Variants in PDE4B observed in about 807,000 individuals in gnomAD.
PDE4B encodes 3',5'-cyclic-AMP phosphodiesterase 4B.
A neutral mutation model predicts 82.2 loss-of-function variants in PDE4B; 20 were observed. The observed-to-expected ratio is 0.24, with a 90% CI of 0.17 to 0.35. PDE4B has a LOEUF of 0.35. PDE4B is among the 10% of genes least tolerant of loss of function. The pLI, the probability that PDE4B is intolerant of heterozygous loss-of-function variation, is 1.00. For missense variants in PDE4B, 655 were observed against 907.2 expected, an observed-to-expected ratio of 0.72 and a Z score of 3.57; for synonymous variants, 320 against 318.9, an observed-to-expected ratio of 1.00 and a Z score of -0.04.
chr1:65,921,511 A>G (rs1048905340), intron 3 of PDE4B, among the ~76,000 whole-genome samples: 1 of 152,156 alleles, frequency 6.6e-6, no homozygotes, highest in Non-Finnish European at 1.5e-5. Context: ...AAGAATATGG[A>G]ATCAATTTCC....
chr1:65,864,468 GC>G (rs1374658597), intron 1 of PDE4B, among the ~76,000 whole-genome samples: 1 of 152,090 alleles, frequency 6.6e-6, no homozygotes, highest in Admixed American at 6.5e-5. Flanking sequence ...CAGCATTTTT[GC>G]CCTGGTTTTT....
At chr1:66,174,755 G>GCAGCAACAA (rs1646900755) in intron 3 of PDE4B, among the ~76,000 whole-genome samples, 1 of 149,084 alleles carries the variant, frequency 6.7e-6, no homozygotes, top group Admixed American at 6.7e-5. Context: ...CTCAAAAAAA[G>GCAGCAACAA]CAACAACAAC....
chr1:65,865,273 G>A (rs993382202), intron 1 of PDE4B, among the ~76,000 whole-genome samples: 10 of 152,282 alleles, frequency 6.6e-5, no homozygotes, highest in South Asian at 6.2e-4. Flanking sequence ...GTGCTGTGCC[G>A]TTAGTGAGAA....
intron 3 of PDE4B, among the ~76,000 whole-genome samples, chr1:66,225,472 T>C (rs983611739): frequency 6.6e-6 from 1 of 152,242 alleles, no homozygotes; most frequent in African/African-American, 2.4e-5. Context: ...TTGAGAGATA[T>C]GAGCTCCTTG....
At chr1:66,021,873 A>T (rs1030482983) in intron 3 of PDE4B, among the ~76,000 whole-genome samples, 1 of 152,114 alleles carries the variant, frequency 6.6e-6, no homozygotes. Context: ...CTTGATGGGG[A>T]TGGCATTGAA....
At chr1:66,356,904 C>G (rs1662293802) in intron 9 of PDE4B, among the ~76,000 whole-genome samples, 1 of 152,226 alleles carries the variant, frequency 6.6e-6, no homozygotes, top group Non-Finnish European at 1.5e-5. Flanking sequence ...TTCATCCATC[C>G]TAGCTCCCAG....
chr1:65,952,245 C>A (rs1649035263), intron 3 of PDE4B, among the ~76,000 whole-genome samples: 1 of 152,014 alleles, frequency 6.6e-6, no homozygotes, highest in Admixed American at 6.6e-5. Context: ...TGATACCACC[C>A]CATTAGCTTC....
At chr1:66,275,948 T>G (rs533864435) in intron 7 of PDE4B, among the ~76,000 whole-genome samples, 14 of 152,338 alleles carry the variant, frequency 9.2e-5, no homozygotes, top group African/African-American at 2.4e-4. Flanking sequence ...TGTCTGGCTG[T>G]GTCCACAGAG....
intron 3 of PDE4B, among the ~76,000 whole-genome samples, chr1:66,028,975 A>T (rs1557509435): frequency 6.6e-6 from 1 of 152,172 alleles, no homozygotes; most frequent in African/African-American, 2.4e-5. Context: ...CCCAGTTCCA[A>T]AGTCACTTCC....
intron 3 of PDE4B, among the ~76,000 whole-genome samples, chr1:65,951,963 CCTGTGGGTTTCA>C (rs1553124541): frequency 1.3e-5 from 2 of 152,048 alleles, no homozygotes; most frequent in Non-Finnish European, 2.9e-5. Context: ...ATGGCTGAAA[CCTGTGGGTTTCA>C]CTCGTGTCTA....
chr1:66,314,612 C>T (rs1255858558), intron 7 of PDE4B, among the ~76,000 whole-genome samples: 1 of 152,094 alleles, frequency 6.6e-6, no homozygotes, highest in Non-Finnish European at 1.5e-5. Flanking sequence ...GGGGTTTCAC[C>T]ATATTAGCCA....
At chr1:66,147,775 T>TAGAGTGAG (rs1307096302) in intron 3 of PDE4B, among the ~76,000 whole-genome samples, 1 of 152,184 alleles carries the variant, frequency 6.6e-6, no homozygotes, top group Non-Finnish European at 1.5e-5. Flanking sequence ...GAAGAGAAAC[T>TAGAGTGAG]AGAGTGAGAA....
chr1:66,257,908 G>A (rs1220970683), intron 6 of PDE4B, 45 bp downstream of exon 6: 4 of 1,302,028 alleles, frequency 3.1e-6, no homozygotes, highest in Admixed American at 1.8e-5. Context: ...TAACATAAAG[G>A]CAAAAAATAT....
At chr1:66,161,891 C>T (rs1372007048) in intron 3 of PDE4B, among the ~76,000 whole-genome samples, 6 of 152,158 alleles carry the variant, frequency 3.9e-5, no homozygotes, top group Non-Finnish European at 5.9e-5. Flanking sequence ...CACCTACCAG[C>T]TTTGTGACTT....
At chr1:66,135,199 T>C (rs938000419) in intron 3 of PDE4B, among the ~76,000 whole-genome samples, 6 of 152,170 alleles carry the variant, frequency 3.9e-5, no homozygotes, top group African/African-American at 1.4e-4. Context: ...TTGGAAGCAA[T>C]ATGTAGCTTG....
chr1:66,045,453 ATC>A (rs1366346546), intron 3 of PDE4B, among the ~76,000 whole-genome samples: 1 of 151,694 alleles, frequency 6.6e-6, no homozygotes, highest in Non-Finnish European at 1.5e-5. Flanking sequence ...TTCCTCAAAT[ATC>A]TCTTTCTAGC....
chr1:66,117,405 T>G (rs1645617361), intron 3 of PDE4B, among the ~76,000 whole-genome samples: 1 of 152,080 alleles, frequency 6.6e-6, no homozygotes, highest in Admixed American at 6.6e-5. Flanking sequence ...AAAGTGTCAT[T>G]AAAAGAATTG....
intron 3 of PDE4B, chr1:66,094,502 C>T (rs1645079762): frequency 6.6e-6 from 1 of 151,944 alleles, no homozygotes; most frequent in Non-Finnish European, 1.5e-5. Flanking sequence ...ATGACTGCGC[C>T]TCAGATAAAC....
intron 3 of PDE4B, among the ~76,000 whole-genome samples, chr1:65,981,847 C>T (rs1012843207): frequency 6.6e-6 from 1 of 152,082 alleles, no homozygotes; most frequent in Admixed American, 6.6e-5. Flanking sequence ...GCCTTCCCCC[C>T]AAGAAAGGGC....
Sources: gnomAD v4.1 joint callset for allele counts (sites outside exome capture counted in the v4.1 genomes callset) on GRCh38, gnomAD v4.1.1 for gene constraint, MANE v1.5 for transcripts, NCBI Gene and HGNC (gene_info 2026-07-23, HGNC 2026-07-21) for gene names.